The following SOD2 variants were observed in gnomAD, a reference collection of about 807,000 sequenced individuals.
SOD2 encodes the protein superoxide dismutase [Mn], mitochondrial.
In SOD2, 11 loss-of-function variants were observed where a neutral mutation model predicts 27.0. The observed-to-expected ratio is 0.41, with a 90% CI of 0.26 to 0.67. The LOEUF is 0.67. SOD2 is among the 30% of genes least tolerant of loss of function. The pLI, the probability that SOD2 is intolerant of heterozygous loss-of-function variation, is 0.34. For synonymous variants in SOD2, 105 were observed against 103.0 expected (o/e 1.02, Z -0.12); for missense variants, 250 against 274.5 (o/e 0.91, Z 0.63).
intron 1 of SOD2, among the ~76,000 whole-genome samples, chr6:159,710,152 A>G (rs1264422067): frequency 6.6e-6 from 1 of 151,234 alleles, no homozygotes; most frequent in Admixed American, 6.6e-5. Flanking sequence ...ATTAGGAGAT[A>G]TACCTAATGT....
chr6:159,743,877 A>G (rs1779406543), intron 1 of SOD2: 1 of 1,370,634 alleles, frequency 7.3e-7, no homozygotes, highest in South Asian at 1.8e-5. Flanking sequence ...TAAACATTTA[A>G]TGCTAAATAT....
At chr6:159,726,717 C>T (rs999436369) in intron 1 of SOD2, 1 of 1,247,164 alleles carries the variant, frequency 8.0e-7, no homozygotes, top group Non-Finnish European at 1.0e-6. Flanking sequence ...CACAGCGCAA[C>T]CTCCGACGCC....
chr6:159,751,387 AG>A (rs1779814733), intron 1 of SOD2, among the ~76,000 whole-genome samples: 1 of 152,212 alleles, frequency 6.6e-6, no homozygotes, highest in Non-Finnish European at 1.5e-5. Flanking sequence ...TAAGAAGGTT[AG>A]TTGTAAACAC....
intron 3 of SOD2, among the ~76,000 whole-genome samples, chr6:159,686,356 A>C (rs895991817): frequency 6.6e-6 from 1 of 152,170 alleles, no homozygotes; most frequent in Admixed American, 6.6e-5. Flanking sequence ...CTCAGAAAAA[A>C]AATAAGTTGG....
At chr6:159,699,572 C>A (rs751430352) in intron 1 of SOD2, among the ~76,000 whole-genome samples, 5 of 151,314 alleles carry the variant, frequency 3.3e-5, no homozygotes, top group African/African-American at 7.3e-5. Context: ...AAAAAAAAAA[C>A]AAACATGGTC....
At chr6:159,743,814 A>C in intron 1 of SOD2, 1 of 1,582,034 alleles carries the variant, frequency 6.3e-7, no homozygotes, top group Non-Finnish European at 8.6e-7. Context: ...AAGTTATATA[A>C]ATGTCTTTAG....
At chr6:159,694,806 G>C (rs1777388404), upstream of SOD2, among the ~76,000 whole-genome samples, 1 of 148,078 alleles carries the variant, frequency 6.8e-6, no homozygotes. Context: ...GTTTCACTAT[G>C]TTGGTCAGGA....
intron 1 of SOD2, among the ~76,000 whole-genome samples, chr6:159,721,587 C>T (rs544684330): frequency 5.9e-4 from 90 of 151,608 alleles, no homozygotes; most frequent in South Asian, 3.1e-3. Context: ...AGGCTGGTCT[C>T]GAACTCCCAA....
chr6:159,739,166 A>G, intron 1 of SOD2: 1 of 794,660 alleles, frequency 1.3e-6, no homozygotes. Flanking sequence ...AAATAATTTA[A>G]TGTACTTTTT....
At chr6:159,755,336 TCTC>T (rs1316322175) in intron 1 of SOD2, 6 of 1,614,200 alleles carry the variant, frequency 3.7e-6, no homozygotes, top group Non-Finnish European at 5.1e-6. Flanking sequence ...CTTTCCTTCT[TCTC>T]CAGGGAATGG....
intron 1 of SOD2, among the ~76,000 whole-genome samples, chr6:159,706,391 C>A (rs958616334): frequency 6.6e-6 from 1 of 152,146 alleles, no homozygotes; most frequent in Non-Finnish European, 1.5e-5. Flanking sequence ...TGCAGAGACA[C>A]ACATAGGCTC....
At chr6:159,724,295 A>T (rs1325296582) in intron 1 of SOD2, among the ~76,000 whole-genome samples, 2 of 152,134 alleles carry the variant, frequency 1.3e-5, no homozygotes, top group Non-Finnish European at 2.9e-5. Flanking sequence ...CCCTTTTCTG[A>T]ACTTCTTTGA....
At chr6:159,713,071 G>T (rs1005600320) in intron 1 of SOD2, 3 of 669,706 alleles carry the variant, frequency 4.5e-6, no homozygotes, top group South Asian at 2.1e-5. Context: ...AGGTTAAGAG[G>T]TGAATAGAAA....
chr6:159,734,500 C>G (rs945849886), intron 1 of SOD2, among the ~76,000 whole-genome samples: 2 of 151,974 alleles, frequency 1.3e-5, no homozygotes, highest in African/African-American at 4.8e-5. Context: ...AGGGAAGATT[C>G]ATGAGTATAC....
At chr6:159,694,855 C>T (rs1331148359), upstream of SOD2, among the ~76,000 whole-genome samples, 1 of 151,730 alleles carries the variant, frequency 6.6e-6, no homozygotes, top group Admixed American at 6.6e-5. Flanking sequence ...CTGCCCGCCT[C>T]GGCCTTCCAA....
chr6:159,691,325 G>A (rs573792060), intron 2 of SOD2: 4 of 152,180 alleles, frequency 2.6e-5, no homozygotes, highest in African/African-American at 9.6e-5. Flanking sequence ...GTAATTCAAG[G>A]TTCGTCTGTC....
chr6:159,731,221 G>A (rs2114871586), upstream of SOD2, among the ~76,000 whole-genome samples: 1 of 152,006 alleles, frequency 6.6e-6, no homozygotes, highest in Non-Finnish European at 1.5e-5. Flanking sequence ...CAGCACTTTT[G>A]GAGGCCCAAG....
chr6:159,680,931 G>T lies in SOD2; in HGVS notation c.*1562C>A, dbSNP rs1281507435. On this transcript the variant is annotated 3_prime_UTR_variant, in exon 5 of 5. Transcript: ENST00000538183. ...AGCCTGGGCAACAGAGCAAGACTCTGTCTCCAAAAAAAAAGAAAAAAAAAA... is the reference window on the plus strand; with the variant it reads ...AGCCTGGGCAACAGAGCAAGACTCTTTCTCCAAAAAAAAAGAAAAAAAAAA... 1.5e-5 allele frequency: 2 copies of T among 137,040 alleles called. No individual in the cohort carries two copies. The highest frequency in any genetic ancestry group is 3.1e-5 in the Non-Finnish European group (2 of 64,162). The allele number at this position is 137,040 out of a possible 1,614,324, so 8.5% of individuals were successfully genotyped here. A position where few individuals can be genotyped will look rare whatever the true frequency, so the allele number is the denominator to read the frequency against.
intron 1 of SOD2, chr6:159,742,161 T>C: frequency 6.3e-7 from 1 of 1,592,718 alleles, no homozygotes; most frequent in Non-Finnish European, 8.6e-7. Context: ...GTTTGAGTTT[T>C]AGCTTCCTAA....
Sources: allele counts gnomAD v4.1 joint callset (sites outside exome capture counted in the v4.1 genomes callset), GRCh38; gene constraint gnomAD v4.1.1; transcripts MANE v1.5; gene names NCBI Gene and HGNC (gene_info 2026-07-23, HGNC 2026-07-21).